CCBE1: variants seen among roughly 807,000 people sequenced by gnomAD.
The protein encoded by CCBE1 is collagen and calcium binding EGF domains 1.
CCBE1 carries 37 observed loss-of-function variants against 50.0 expected under a neutral mutation model. The ratio of observed to expected loss-of-function variants is 0.74; its 90% CI spans 0.57 to 0.97. The LOEUF (loss-of-function observed/expected upper bound fraction) is 0.97. Ranked by LOEUF, CCBE1 falls within the 50% of genes least tolerant of loss-of-function variation. The pLI is 0.00. For missense variants in CCBE1, 538 were observed against 523.8 expected, an observed-to-expected ratio of 1.03 and a Z score of -0.26; for synonymous variants, 234 against 203.7, an observed-to-expected ratio of 1.15 and a Z score of -1.27.
intron 2 of CCBE1, among the ~76,000 whole-genome samples, chr18:59,486,172 A>T (rs1301584598): frequency 6.6e-6 from 1 of 152,190 alleles, no homozygotes; most frequent in African/African-American, 2.4e-5. Context: ...TTATGAGATA[A>T]TTGACAGTAT....
intron 2 of CCBE1, among the ~76,000 whole-genome samples, chr18:59,671,919 G>T (rs966644638): frequency 4.6e-5 from 7 of 152,028 alleles, no homozygotes; most frequent in Non-Finnish European, 1.0e-4. Flanking sequence ...GCAGGACGCT[G>T]GTTTGCAGAT....
intron 2 of CCBE1, among the ~76,000 whole-genome samples, chr18:59,567,597 T>C (rs1251393749): frequency 6.6e-6 from 1 of 152,186 alleles, no homozygotes; most frequent in Non-Finnish European, 1.5e-5. Flanking sequence ...CCCAAGTGGA[T>C]CGGGTTTTAA....
intron 2 of CCBE1, among the ~76,000 whole-genome samples, chr18:59,517,315 G>A (rs1032118933): frequency 6.6e-6 from 1 of 152,182 alleles, no homozygotes; most frequent in African/African-American, 2.4e-5. Context: ...AGGAATCCTG[G>A]GTATTTGGCA....
At chr18:59,517,632 T>G (rs1403334411) in intron 2 of CCBE1, among the ~76,000 whole-genome samples, 2 of 152,218 alleles carry the variant, frequency 1.3e-5, no homozygotes, top group African/African-American at 4.8e-5. Flanking sequence ...CTAAATTGAT[T>G]TGACAAAGCC....
At chr18:59,682,901 C>T (rs1181455891) in intron 2 of CCBE1, among the ~76,000 whole-genome samples, 1 of 152,124 alleles carries the variant, frequency 6.6e-6, no homozygotes, top group Non-Finnish European at 1.5e-5. Flanking sequence ...AGAGAATGTC[C>T]AAAACAGAGT....
In CCBE1 at chr18:59,678,404, T is replaced by A. The variant is rs186105053; in HGVS notation, c.212+18225A>T. Among the ~76,000 whole-genome samples, 575 of 152,306 alleles carry A rather than the reference T, an allele frequency of 3.8e-3. 2 individuals carry two copies. Among genetic ancestry groups the A allele is most frequent in the Non-Finnish European group, 6.5e-3 (445 of 68,030 alleles). On this transcript the variant is annotated intron_variant, in intron 2 of 10. Coordinates refer to ENST00000439986, the MANE Select transcript of CCBE1 (RefSeq NM_133459.4). ...TAAGACATTAAAAATGCTGAGTAAA[T>A]CATTGATTTGACTCTGAATAGGTAA...
At chr18:59,617,434 T>C (rs1249534744) in intron 2 of CCBE1, among the ~76,000 whole-genome samples, 1 of 152,230 alleles carries the variant, frequency 6.6e-6, no homozygotes, top group Non-Finnish European at 1.5e-5. Context: ...ATCTTAAAAC[T>C]TGCCCAAAGG....
Position 59,432,119 on chromosome 18 carries a change from A to T in CCBE1, c.*3789T>A, listed in dbSNP as rs932000508. Reference sequence around the variant, plus strand: ...CAGGCGTGCACCACCACGCCTGGCTAATTTTTTTTTTTATTTATTTTAGTA... The same window carrying T: ...CAGGCGTGCACCACCACGCCTGGCTTATTTTTTTTTTTATTTATTTTAGTA... On this transcript the variant is annotated 3_prime_UTR_variant, in exon 11 of 11. Transcript: ENST00000439986. The T allele has an allele frequency of 2.6e-5, 4 of 151,814 alleles. No homozygotes were observed. The highest frequency in any genetic ancestry group is 9.7e-5 in the African/African-American group (4 of 41,326). 9.4% of individuals were successfully genotyped at this position (151,814 alleles called of 1,614,324 possible). A position where few individuals can be genotyped will look rare whatever the true frequency, so the allele number is the denominator to read the frequency against.
At chr18:59,527,787 A>T (rs1046204065) in intron 2 of CCBE1, among the ~76,000 whole-genome samples, 5 of 152,264 alleles carry the variant, frequency 3.3e-5, no homozygotes, top group Middle Eastern at 3.4e-3. Context: ...AAATTCTTTT[A>T]AAAAGGTTGA....
intron 2 of CCBE1, among the ~76,000 whole-genome samples, chr18:59,495,640 G>C (rs534288578): frequency 6.8e-4 from 102 of 150,200 alleles, no homozygotes; most frequent in African/African-American, 2.3e-3. Flanking sequence ...ACTTGTCTTG[G>C]TCATTCCACA....
intron 10 of CCBE1, among the ~76,000 whole-genome samples, chr18:59,436,840 T>A (rs1437484228): frequency 6.6e-6 from 1 of 151,996 alleles, no homozygotes; most frequent in Non-Finnish European, 1.5e-5. Flanking sequence ...GGTGTGGTGG[T>A]GGGCACCTGT....
At chr18:59,615,844 G>A (rs1422432767) in intron 2 of CCBE1, among the ~76,000 whole-genome samples, 1 of 152,168 alleles carries the variant, frequency 6.6e-6, no homozygotes, top group African/African-American at 2.4e-5. Flanking sequence ...TTGCAGAAGA[G>A]AAGGAAAGAA....
At chr18:59,570,811 C>T (rs1409800837) in intron 2 of CCBE1, among the ~76,000 whole-genome samples, 2 of 152,156 alleles carry the variant, frequency 1.3e-5, no homozygotes, top group African/African-American at 4.8e-5. Flanking sequence ...AGCAGAATCC[C>T]AGCACACTGG....
intron 2 of CCBE1, among the ~76,000 whole-genome samples, chr18:59,580,661 T>C (rs2053070733): frequency 2.6e-5 from 4 of 152,216 alleles, no homozygotes; most frequent in Admixed American, 6.5e-5. Flanking sequence ...TTGCCCAAAG[T>C]AGGAGCTGGT....
chr18:59,453,011 T>C (rs1390950431), intron 6 of CCBE1, among the ~76,000 whole-genome samples: 1 of 152,216 alleles, frequency 6.6e-6, no homozygotes, highest in Non-Finnish European at 1.5e-5. Context: ...GACAAGTATT[T>C]CAATGCAAGT....
At chr18:59,566,550 T>C (rs2052831033) in intron 2 of CCBE1, among the ~76,000 whole-genome samples, 1 of 152,212 alleles carries the variant, frequency 6.6e-6, no homozygotes, top group Non-Finnish European at 1.5e-5. Context: ...TTCAGGCATT[T>C]GTTTGGAAAA....
At chr18:59,440,310 T>C (rs1361701974) in intron 7 of CCBE1, among the ~76,000 whole-genome samples, 1 of 152,198 alleles carries the variant, frequency 6.6e-6, no homozygotes, top group Non-Finnish European at 1.5e-5. Context: ...TCTCATCTCA[T>C]CTGTAAAAGT....
At chr18:59,656,908 A>T (rs2054198460) in intron 2 of CCBE1, among the ~76,000 whole-genome samples, 3 of 152,194 alleles carry the variant, frequency 2.0e-5, no homozygotes, top group Non-Finnish European at 4.4e-5. Context: ...TAAGCCCAGA[A>T]ACCCCAACAG....
chr18:59,540,997 A>G (rs1481415966), intron 2 of CCBE1, among the ~76,000 whole-genome samples: 3 of 152,344 alleles, frequency 2.0e-5, no homozygotes, highest in East Asian at 1.9e-4. Flanking sequence ...GAAGAATCAC[A>G]TAAGAATCTT....
Sources: gnomAD v4.1 joint callset for allele counts (sites outside exome capture counted in the v4.1 genomes callset) on GRCh38, gnomAD v4.1.1 for gene constraint, MANE v1.5 for transcripts, NCBI Gene and HGNC (gene_info 2026-07-23, HGNC 2026-07-21) for gene names.